COMMD1: variants seen among roughly 807,000 people sequenced by gnomAD.
The protein encoded by COMMD1 is COMM domain-containing protein 1.
Under a neutral mutation model 17.2 loss-of-function variants are expected in COMMD1, and 10 were observed. The ratio of observed to expected loss-of-function variants is 0.58; its 90% CI spans 0.36 to 0.99. The LOEUF is 0.99. COMMD1 is among the 50% of genes least tolerant of loss of function. The probability of loss-of-function intolerance (pLI) is 0.01; values close to 1 mark genes in which losing one functional copy is unlikely to be tolerated. For missense variants in COMMD1, 270 were observed against 231.8 expected, an observed-to-expected ratio of 1.17 and a Z score of -1.07; for synonymous variants, 97 against 91.6, an observed-to-expected ratio of 1.06 and a Z score of -0.34.
intron 1 of COMMD1, among the ~76,000 whole-genome samples, chr2:61,922,784 T>C (rs982329804): frequency 2.0e-5 from 3 of 152,238 alleles, no homozygotes; most frequent in African/African-American, 7.2e-5. Flanking sequence ...GGCCAAAGAT[T>C]GTATATCCAG....
At position 62,135,979 on chromosome 2, in the gene COMMD1, G is replaced by A. The variant is rs1442131636; in HGVS notation, c.*38G>A. Reference sequence around the variant, plus strand: ...AAGGAGTTGGAGTTGTTGAAACCAAGGTGTCCATGATCCCTCCCCACTGAC... The same window carrying A: ...AAGGAGTTGGAGTTGTTGAAACCAAAGTGTCCATGATCCCTCCCCACTGAC... On this transcript the variant is annotated 3_prime_UTR_variant, in exon 3 of 3. Coordinates refer to ENST00000311832, the MANE Select transcript of COMMD1 (RefSeq NM_152516.4). 2 of 1,068,750 alleles carry A rather than the reference G, an allele frequency of 1.9e-6. No individual in the cohort carries two copies. Among genetic ancestry groups the A allele is most frequent in the Non-Finnish European group, 2.9e-6 (2 of 682,886 alleles). 66.2% of individuals were successfully genotyped at this position (1,068,750 alleles called of 1,614,324 possible).
chr2:62,047,234 C>T (rs1670407202), intron 2 of COMMD1, among the ~76,000 whole-genome samples: 1 of 152,188 alleles, frequency 6.6e-6, no homozygotes, highest in Non-Finnish European at 1.5e-5. Context: ...TCCCATAAGA[C>T]TGTAATGGAG....
At chr2:62,018,562 A>G (rs888213276) in intron 2 of COMMD1, among the ~76,000 whole-genome samples, 2 of 152,216 alleles carry the variant, frequency 1.3e-5, no homozygotes, top group South Asian at 2.1e-4. Context: ...CATTATGGTT[A>G]TTTTCCGGCT....
At chr2:61,935,123 C>T (rs1028165272) in intron 1 of COMMD1, among the ~76,000 whole-genome samples, 2 of 152,136 alleles carry the variant, frequency 1.3e-5, no homozygotes, top group African/African-American at 2.4e-5. Context: ...ACAGGAGAAG[C>T]TAGAGTCTCA....
intron 1 of COMMD1, among the ~76,000 whole-genome samples, chr2:61,986,226 C>G (rs1280056256): frequency 6.6e-6 from 1 of 151,902 alleles, no homozygotes; most frequent in Admixed American, 6.6e-5. Flanking sequence ...ATAAGGGTTC[C>G]ACTGAAAAGC....
intron 2 of COMMD1, among the ~76,000 whole-genome samples, chr2:62,129,886 T>C (rs998876432): frequency 1.3e-5 from 2 of 151,750 alleles, no homozygotes; most frequent in Admixed American, 1.3e-4. Context: ...CAATAAAGAG[T>C]CCCTTTGAGC....
At chr2:61,963,421 A>G (rs1165029083) in intron 1 of COMMD1, among the ~76,000 whole-genome samples, 1 of 151,964 alleles carries the variant, frequency 6.6e-6, no homozygotes, top group Non-Finnish European at 1.5e-5. Flanking sequence ...CAATGACACC[A>G]TCTCGGCTCA....
intron 1 of COMMD1, among the ~76,000 whole-genome samples, chr2:61,931,436 G>A (rs950635146): frequency 6.6e-6 from 1 of 152,164 alleles, no homozygotes; most frequent in South Asian, 2.1e-4. Context: ...ACATAGTAGC[G>A]TTGCTGCTGC....
intron 2 of COMMD1, among the ~76,000 whole-genome samples, chr2:62,124,270 G>T (rs1672833199): frequency 1.3e-5 from 2 of 152,180 alleles, no homozygotes; most frequent in African/African-American, 4.8e-5. Flanking sequence ...CTGCACTCCA[G>T]CCTGAGCAAT....
chr2:61,891,775 G>C (rs1669437156), intron 1 of COMMD1, among the ~76,000 whole-genome samples: 1 of 151,786 alleles, frequency 6.6e-6, no homozygotes, highest in African/African-American at 2.4e-5. Flanking sequence ...TTTAAGCAAA[G>C]CACTGTTGCT....
At chr2:62,054,401 T>C (rs142180413) in intron 2 of COMMD1, among the ~76,000 whole-genome samples, 46 of 152,322 alleles carry the variant, frequency 3.0e-4, no homozygotes, top group African/African-American at 1.1e-3. Context: ...ACTCGTATGT[T>C]TATCACAGCA....
At chr2:61,934,684 G>C (rs749041833) in intron 1 of COMMD1, among the ~76,000 whole-genome samples, 1 of 152,226 alleles carries the variant, frequency 6.6e-6, no homozygotes, top group Admixed American at 6.5e-5. Context: ...GTGAAATTGA[G>C]AGGCAAACAA....
chr2:62,002,157 C>T (rs13431158), intron 2 of COMMD1, among the ~76,000 whole-genome samples: 48 of 150,958 alleles, frequency 3.2e-4, no homozygotes, highest in African/African-American at 1.1e-3. Context: ...GCAATAAGAG[C>T]GAAACTCTGT....
chr2:61,895,126 G>A (rs1669526630), intron 1 of COMMD1, among the ~76,000 whole-genome samples: 1 of 152,096 alleles, frequency 6.6e-6, no homozygotes, highest in Non-Finnish European at 1.5e-5. Context: ...AGATGAAAGG[G>A]TAACTTATGG....
intron 1 of COMMD1, among the ~76,000 whole-genome samples, chr2:61,941,468 C>T (rs564566162): frequency 3.0e-4 from 46 of 152,206 alleles, no homozygotes; most frequent in Non-Finnish European, 5.1e-4. Flanking sequence ...CCATGAACTG[C>T]GTTATGGACA....
At chr2:62,028,705 T>C (rs1180987221) in intron 2 of COMMD1, among the ~76,000 whole-genome samples, 1 of 152,254 alleles carries the variant, frequency 6.6e-6, no homozygotes, top group African/African-American at 2.4e-5. Context: ...CAGTTGTCTT[T>C]AGTGACTCTT....
intron 2 of COMMD1, chr2:62,118,780 C>T (rs1327150680): frequency 1.3e-5 from 2 of 152,204 alleles, no homozygotes; most frequent in Admixed American, 6.5e-5. Context: ...CCAAAATGGG[C>T]TGGCAGACCT....
chr2:61,888,896 C>CTTTTTTTTTTTTTTTTTTT (rs70946768), intron 1 of COMMD1: 3 of 132,206 alleles, frequency 2.3e-5, no homozygotes, highest in Non-Finnish European at 3.1e-5. Flanking sequence ...AGGTCCCCTC[C>CTTTTTTTTTTTTTTTTTTT]TTTTTTTTTT....
Position 61,975,118 on chromosome 2 carries a change from CTTTTTT to C in COMMD1, c.181-25566_181-25561del. Among the ~76,000 whole-genome samples the C allele has an allele frequency of 4.4e-3, 350 of 80,178 alleles. 1 individual carries two copies. The Middle Eastern group carries it at 0.11, about 26-fold the overall frequency. The allele number at this position is 80,178 out of a possible 152,430, so 52.6% of individuals were successfully genotyped here. The stretch of plus-strand genomic sequence containing the variant: ...TCATGGCTCGATAGCTCATTTCTTT[CTTTTTT>C]TTTTTTTTTTTTTTTTGTATTTTAA... On this transcript the variant is annotated intron_variant, in intron 1 of 2. Coordinates refer to ENST00000311832, the MANE Select transcript of COMMD1 (RefSeq NM_152516.4).
Sources: allele counts gnomAD v4.1 joint callset (sites outside exome capture counted in the v4.1 genomes callset), GRCh38; gene constraint gnomAD v4.1.1; transcripts MANE v1.5; gene names NCBI Gene and HGNC (gene_info 2026-07-23, HGNC 2026-07-21).